The following OXR1 variants were observed in gnomAD, a reference collection of about 807,000 sequenced individuals.
OXR1 encodes the protein oxidation resistance 1.
In OXR1, 41 loss-of-function variants were observed where a neutral mutation model predicts 104.6. The observed-to-expected ratio is 0.39, with a 90% CI of 0.31 to 0.51. The LOEUF is 0.51. Among genes scored for constraint, OXR1 ranks in the 20% least tolerant of loss-of-function variants. The pLI is 0.77. For synonymous variants in OXR1, 348 were observed against 348.4 expected, an observed-to-expected ratio of 1.00 and a Z score of 0.01; for missense variants, 955 against 1,031.9, an observed-to-expected ratio of 0.93 and a Z score of 1.02.
chr8:106,372,961 T>G (rs1343509822), intron 2 of OXR1, among the ~76,000 whole-genome samples: 1 of 152,238 alleles, frequency 6.6e-6, no homozygotes, highest in East Asian at 1.9e-4. Flanking sequence ...GAGTTCCATA[T>G]TCATAGATTC....
At chr8:106,599,987 G>A (rs1411974030) in intron 3 of OXR1, among the ~76,000 whole-genome samples, 5 of 152,164 alleles carry the variant, frequency 3.3e-5, no homozygotes, top group Admixed American at 6.6e-5. Context: ...TAATGCTGCC[G>A]GTGATCTGAC....
intron 1 of OXR1, among the ~76,000 whole-genome samples, chr8:106,343,129 A>C (rs1269666721): frequency 1.3e-5 from 2 of 152,040 alleles, no homozygotes; most frequent in African/African-American, 4.8e-5. Flanking sequence ...TCTTACATAG[A>C]TTGTTATAAT....
Position 106,484,379 on chromosome 8 carries a change from G to T in OXR1, c.24-34564G>T, listed in dbSNP as rs574094170. On this transcript the variant is annotated intron_variant, in intron 2 of 16. Coordinates refer to ENST00000517566, the MANE Select transcript of OXR1 (RefSeq NM_001198533.2). ...TGCCCTGAATTGATCATTACACATTGTATATGTGTACCAAAATATCACATG... is the reference window on the plus strand; with the variant it reads ...TGCCCTGAATTGATCATTACACATTTTATATGTGTACCAAAATATCACATG... Among the ~76,000 whole-genome samples the T allele has an allele frequency of 7.4e-4, 112 of 152,070 alleles. 1 individual carries two copies. Among genetic ancestry groups the T allele is most frequent in the Middle Eastern group, 3.4e-3 (1 of 294 alleles).
At chr8:106,642,465 A>C (rs1823731500) in intron 3 of OXR1, among the ~76,000 whole-genome samples, 1 of 152,222 alleles carries the variant, frequency 6.6e-6, no homozygotes. Context: ...AGGCTCTGTC[A>C]TATTTAATAA....
intron 1 of OXR1, among the ~76,000 whole-genome samples, chr8:106,276,628 C>G (rs1215756455): frequency 6.6e-6 from 1 of 151,964 alleles, no homozygotes; most frequent in African/African-American, 2.4e-5. Context: ...CCATCCAAAC[C>G]TCTTTCTCAA....
intron 1 of OXR1, among the ~76,000 whole-genome samples, chr8:106,283,472 T>C (rs772612023): frequency 6.6e-5 from 10 of 152,216 alleles, no homozygotes; most frequent in Non-Finnish European, 1.2e-4. Context: ...TAAGTTTTAA[T>C]GTGGTTCCCT....
chr8:106,452,147 CAA>C (rs1490133369), intron 2 of OXR1, among the ~76,000 whole-genome samples: 2 of 152,158 alleles, frequency 1.3e-5, no homozygotes, highest in East Asian at 3.9e-4. Context: ...AGACTCAGGA[CAA>C]AGAGGTGGTT....
intron 2 of OXR1, among the ~76,000 whole-genome samples, chr8:106,496,374 TAAAC>T (rs1433900655): frequency 6.6e-6 from 1 of 152,218 alleles, no homozygotes; most frequent in Non-Finnish European, 1.5e-5. Flanking sequence ...TATACTTTTG[TAAAC>T]AAACAATTAA....
intron 3 of OXR1, among the ~76,000 whole-genome samples, chr8:106,544,791 A>G (rs1586787493): frequency 6.6e-6 from 1 of 152,190 alleles, no homozygotes; most frequent in African/African-American, 2.4e-5. Context: ...CCTATTATTT[A>G]ATTAATTTTT....
chr8:106,319,540 C>G (rs1306842026), intron 1 of OXR1, among the ~76,000 whole-genome samples: 1 of 152,202 alleles, frequency 6.6e-6, no homozygotes, highest in Non-Finnish European at 1.5e-5. Flanking sequence ...AAATCAAACT[C>G]TAAGGGAATT....
intron 3 of OXR1, among the ~76,000 whole-genome samples, chr8:106,600,519 T>C (rs550243419): frequency 2.6e-5 from 4 of 152,292 alleles, no homozygotes; most frequent in South Asian, 2.1e-4. Flanking sequence ...GTGGTGGTAG[T>C]GATGGTAGTA....
intron 3 of OXR1, among the ~76,000 whole-genome samples, chr8:106,676,897 G>T (rs1175868076): frequency 6.6e-6 from 1 of 151,994 alleles, no homozygotes. Context: ...TTAGTAAAGA[G>T]AATATTTTCC....
chr8:106,634,839 A>T (rs1407084797), intron 3 of OXR1, among the ~76,000 whole-genome samples: 1 of 150,474 alleles, frequency 6.6e-6, no homozygotes, highest in Non-Finnish European at 1.5e-5. Flanking sequence ...TGGCATGCAA[A>T]AAAAAAAAAA....
At chr8:106,338,140 G>A (rs1815039649) in intron 1 of OXR1, among the ~76,000 whole-genome samples, 1 of 152,148 alleles carries the variant, frequency 6.6e-6, no homozygotes, top group African/African-American at 2.4e-5. Flanking sequence ...AGTCACTCAT[G>A]CTAAATGCCA....
chr8:106,406,666 A>G (rs1252183848), intron 2 of OXR1, among the ~76,000 whole-genome samples: 1 of 152,190 alleles, frequency 6.6e-6, no homozygotes, highest in Non-Finnish European at 1.5e-5. Flanking sequence ...AGACAATAAA[A>G]AGATCAGCAG....
In OXR1 at chr8:106,713,788, A is replaced by G. The variant is rs781712969; in HGVS notation, c.1794-35A>G. The G allele has an allele frequency of 3.4e-5, 46 of 1,341,632 alleles. No individual in the cohort carries two copies. The Admixed American group carries it at 4.2e-4, about 12-fold the overall frequency. The allele number at this position is 1,341,632 out of a possible 1,614,324, so 83.1% of individuals were successfully genotyped here. On this transcript the variant is annotated intron_variant, in intron 10 of 16. Coordinates refer to ENST00000517566, the MANE Select transcript of OXR1 (RefSeq NM_001198533.2). ...AATTTTTTAATTCTGGCAGCACAGA[A>G]TACTAGGTATATTAATAGTCACTTC...
At chr8:106,562,176 C>G (rs1052057628) in intron 3 of OXR1, among the ~76,000 whole-genome samples, 1 of 151,876 alleles carries the variant, frequency 6.6e-6, no homozygotes, top group Non-Finnish European at 1.5e-5. Context: ...AAAAATCCAC[C>G]AGGCTAAAGG....
intron 2 of OXR1, among the ~76,000 whole-genome samples, chr8:106,467,450 C>T (rs1821233400): frequency 6.6e-6 from 1 of 151,824 alleles, no homozygotes; most frequent in Non-Finnish European, 1.5e-5. Context: ...CCACAAAGAG[C>T]TTTATTCCTG....
intron 1 of OXR1, among the ~76,000 whole-genome samples, chr8:106,301,624 G>C (rs185603572): frequency 1.0e-3 from 156 of 152,296 alleles, no homozygotes; most frequent in African/African-American, 3.7e-3. Context: ...ATAGTACCCA[G>C]ACTTTAGGGA....
Sources: allele counts gnomAD v4.1 joint callset (sites outside exome capture counted in the v4.1 genomes callset), GRCh38; gene constraint gnomAD v4.1.1; transcripts MANE v1.5; gene names NCBI Gene and HGNC (gene_info 2026-07-23, HGNC 2026-07-21).